The following MLLT3 variants were observed in gnomAD, a reference collection of about 807,000 sequenced individuals.
The protein encoded by MLLT3 is protein AF-9.
In MLLT3, 4 loss-of-function variants were observed where a neutral mutation model predicts 53.2. That is an observed-to-expected ratio of 0.08 (90% CI 0.04 to 0.17). The LOEUF is 0.17. Ranked by LOEUF, MLLT3 falls within the 10% of genes least tolerant of loss-of-function variation. MLLT3 has a pLI of 1.00. For missense variants in MLLT3, 569 were observed against 684.0 expected, an observed-to-expected ratio of 0.83 and a Z score of 1.87; for synonymous variants, 283 against 230.6, an observed-to-expected ratio of 1.23 and a Z score of -2.06.
chr9:20,346,243 A>C lies in MLLT3; in HGVS notation c.*200T>G, dbSNP rs781276667. On this transcript the variant is annotated 3_prime_UTR_variant, in exon 11 of 11. Transcript: ENST00000380338. ...GGTCCGCTGAGGCTGGTTTGCTTTA[A>C]CCTCTCCTTTATCAAGAGATGATGA... 51 of 546,674 alleles carry C rather than the reference A, an allele frequency of 9.3e-5. No individual in the cohort carries two copies. Among genetic ancestry groups the C allele is most frequent in the Middle Eastern group, 5.1e-4 (1 of 1,956 alleles). The allele number at this position is 546,674 out of a possible 1,614,324, so 33.9% of individuals were successfully genotyped here. A position where few individuals can be genotyped will look rare whatever the true frequency, so the allele number is the denominator to read the frequency against.
At chr9:20,495,580 A>C (rs776586293) in intron 2 of MLLT3, among the ~76,000 whole-genome samples, 1 of 152,188 alleles carries the variant, frequency 6.6e-6, no homozygotes, top group Admixed American at 6.5e-5. Flanking sequence ...GCTGATGCTC[A>C]GTGCCTATTA....
intron 10 of MLLT3, among the ~76,000 whole-genome samples, chr9:20,347,811 C>G (rs1820915329): frequency 6.6e-6 from 1 of 152,102 alleles, no homozygotes; most frequent in Admixed American, 6.5e-5. Context: ...GGTCAATAAT[C>G]TTAAAAAAGA....
intron 2 of MLLT3, among the ~76,000 whole-genome samples, chr9:20,568,720 A>G (rs1232230236): frequency 6.6e-6 from 1 of 152,220 alleles, no homozygotes; most frequent in Non-Finnish European, 1.5e-5. Flanking sequence ...TCCTGAAGGA[A>G]AATATCATCT....
rs149751371 is a variant in MLLT3 at position 20,466,663 on chromosome 9, C to A, written c.194-9877G>T. 5.0e-3 allele frequency among the ~76,000 whole-genome samples: 761 copies of A among 152,294 alleles called. 6 individuals are homozygous for A. Among genetic ancestry groups the A allele is most frequent in the African/African-American group, 0.017 (716 of 41,560 alleles). On this transcript the variant is annotated intron_variant, in intron 2 of 10. Transcript: ENST00000380338. ...TCTGCAGGTCAACTTTTACAAAATA[C>A]CTTCTGATTATCAAATGTGGTACTA... is the stretch of plus-strand genomic sequence containing the variant.
At chr9:20,581,906 C>T (rs758236416) in intron 2 of MLLT3, among the ~76,000 whole-genome samples, 2 of 152,112 alleles carry the variant, frequency 1.3e-5, no homozygotes, top group African/African-American at 4.8e-5. Context: ...TTTAAAAGAG[C>T]CTAACCTTTT....
chr9:20,526,996 T>C (rs1349270990), intron 2 of MLLT3, among the ~76,000 whole-genome samples: 4 of 152,204 alleles, frequency 2.6e-5, no homozygotes, highest in African/African-American at 9.6e-5. Context: ...CTTTTCTGAA[T>C]TGATTTGGCA....
intron 2 of MLLT3, among the ~76,000 whole-genome samples, chr9:20,498,228 A>AAAAAAAAAAC: frequency 3.4e-5 from 1 of 29,084 alleles, no homozygotes; most frequent in Non-Finnish European, 6.3e-5. Flanking sequence ...ACGCTGTCTC[A>AAAAAAAAAAC]AAAAAAAAAA....
At chr9:20,558,092 A>G (rs903912423) in intron 2 of MLLT3, among the ~76,000 whole-genome samples, 6 of 152,200 alleles carry the variant, frequency 3.9e-5, no homozygotes, top group African/African-American at 1.4e-4. Context: ...AAGAGGCTGC[A>G]AGAAGGAAGC....
At chr9:20,532,852 A>G (rs1818379896) in intron 2 of MLLT3, 1 of 257,934 alleles carries the variant, frequency 3.9e-6, no homozygotes, top group Non-Finnish European at 7.5e-6. Flanking sequence ...AAGCTGGACC[A>G]CAAGTACAGA....
intron 4 of MLLT3, among the ~76,000 whole-genome samples, chr9:20,440,199 A>G (rs1412949106): frequency 1.3e-5 from 2 of 152,224 alleles, no homozygotes; most frequent in African/African-American, 4.8e-5. Context: ...AGCCCAAGGT[A>G]AATTAGCAGC....
chr9:20,594,097 C>A (rs1458167100), intron 2 of MLLT3, among the ~76,000 whole-genome samples: 1 of 151,956 alleles, frequency 6.6e-6, no homozygotes, highest in Non-Finnish European at 1.5e-5. Flanking sequence ...CCCACCACCA[C>A]ACCTGGCTAA....
At position 20,620,887 on chromosome 9, in the gene MLLT3, G is replaced by A. The variant is rs774514237; in HGVS notation, c.13-53C>T. 15 of 1,587,746 alleles carry A rather than the reference G, an allele frequency of 9.4e-6. No individual in the cohort carries two copies. The highest frequency in any genetic ancestry group is 2.2e-5 in the South Asian group (2 of 90,538). ...GTGAATAACAGGAAGGCGAGGTTTC[G>A]GCAGTGAACGTTGCGCCTGACATTT... On this transcript the variant is annotated intron_variant, in intron 1 of 10. Coordinates refer to ENST00000380338, the MANE Select transcript of MLLT3 (RefSeq NM_004529.4). The surrounding 1 kb of genome is among the most constrained non-coding windows in gnomAD (Gnocchi z 6.1).
At chr9:20,353,428 G>A (rs994863476) in intron 10 of MLLT3, 97 bp downstream of exon 10, 74 of 983,458 alleles carry the variant, frequency 7.5e-5, no homozygotes, top group African/African-American at 1.6e-4. Flanking sequence ...TTCTGATAGC[G>A]TGGGGCTGCA....
chr9:20,546,935 T>C (rs998133079), intron 2 of MLLT3, among the ~76,000 whole-genome samples: 3 of 152,172 alleles, frequency 2.0e-5, no homozygotes. Context: ...CTGCTGCCAT[T>C]GGCCTGTGCA....
At chr9:20,503,529 A>T (rs188725141) in intron 2 of MLLT3, among the ~76,000 whole-genome samples, 13 of 152,326 alleles carry the variant, frequency 8.5e-5, no homozygotes, top group South Asian at 6.2e-4. Context: ...TTCATACTAA[A>T]TATAAAAATC....
rs75626666 is a variant in MLLT3, at chr9:20,348,681, G to A, written c.1576-2107C>T. 5.6e-3 allele frequency among the ~76,000 whole-genome samples: 854 copies of A among 152,258 alleles called. 11 individuals are homozygous for A. Among genetic ancestry groups the A allele is most frequent in the African/African-American group, 0.02 (813 of 41,546 alleles). On this transcript the variant is annotated intron_variant, in intron 10 of 10. Transcript: ENST00000380338. ...TACATGCATCAAGAAATTCTTAGAA[G>A]GAGTGTACCCAATTATGGTTAAAGT...
chr9:20,599,255 G>C (rs1255785988), intron 2 of MLLT3, among the ~76,000 whole-genome samples: 1 of 149,392 alleles, frequency 6.7e-6, no homozygotes, highest in South Asian at 2.1e-4. Context: ...AGTGAGCCAA[G>C]ATCGTGCCAC....
In MLLT3 at chr9:20,342,766, GTCTCTACA is replaced by G. The variant is rs1405423759; in HGVS notation, c.*3669_*3676del. 1 of 192,296 alleles carries G rather than the reference GTCTCTACA, an allele frequency of 5.2e-6. No individual in the cohort carries two copies. Among genetic ancestry groups the G allele is most frequent in the African/African-American group, 2.3e-5 (1 of 42,760 alleles). 11.9% of individuals were successfully genotyped at this position (192,296 alleles called of 1,614,324 possible). On this transcript the variant is annotated 3_prime_UTR_variant, in exon 11 of 11. Transcript: ENST00000380338. ...CTTAACATTCACTGCAGCTGTAGTA[GTCTCTACA>G]TCATATTCATAGTTTTAGAGCAACA...
chr9:20,562,611 G>T (rs1044592892), intron 2 of MLLT3, among the ~76,000 whole-genome samples: 1 of 152,112 alleles, frequency 6.6e-6, no homozygotes, highest in Non-Finnish European at 1.5e-5. Flanking sequence ...AGAAAAAAAG[G>T]AGTAAATATG....
Sources: allele counts gnomAD v4.1 joint callset (sites outside exome capture counted in the v4.1 genomes callset), GRCh38; gene constraint gnomAD v4.1.1; non-coding constraint Gnocchi (gnomAD v3.1); transcripts MANE v1.5; gene names NCBI Gene and HGNC (gene_info 2026-07-23, HGNC 2026-07-21).